KIRREL3: variants seen among roughly 807,000 people sequenced by gnomAD.
KIRREL3 encodes the protein kin of IRRE-like protein 3.
In KIRREL3, 36 loss-of-function variants were observed where a neutral mutation model predicts 89.7. The ratio of observed to expected loss-of-function variants is 0.40; its 90% CI spans 0.31 to 0.53. The LOEUF (loss-of-function observed/expected upper bound fraction) is 0.53, where lower values mean the gene tolerates loss of function less well. KIRREL3 is among the 20% of genes least tolerant of loss of function. KIRREL3 has a pLI of 0.49. For synonymous variants in KIRREL3, 445 were observed against 441.4 expected, an observed-to-expected ratio of 1.01 and a Z score of -0.10; for missense variants, 864 against 1,056.6, an observed-to-expected ratio of 0.82 and a Z score of 2.53.
intron 1 of KIRREL3, among the ~76,000 whole-genome samples, chr11:126,916,955 C>T (rs550719872): frequency 4.6e-5 from 7 of 152,288 alleles, no homozygotes; most frequent in East Asian, 1.9e-4. Context: ...ACTGTTTCTG[C>T]GGGGACAGTT....
rs902967904 is a variant in KIRREL3, at chr11:126,739,286, C to T, written c.56-176374G>A. 6.6e-5 allele frequency among the ~76,000 whole-genome samples: 10 copies of T among 152,248 alleles called. No individual in the cohort carries two copies. Among genetic ancestry groups the T allele is most frequent in the Admixed American group, 5.9e-4 (9 of 15,284 alleles). On this transcript the variant is annotated intron_variant, in intron 1 of 16. Transcript: ENST00000525144. The surrounding 1 kb of genome is among the most constrained non-coding windows in gnomAD (Gnocchi z 5.5). ...ATACTTATAGTATTAATTCGACTGC[C>T]TTTTGGCATGGTTATGGGGCTTCTC...
rs1941279330 is a variant in KIRREL3 at position 126,576,841 on chromosome 11, G to A, written c.56-13929C>T. Among the ~76,000 whole-genome samples the A allele has an allele frequency of 6.6e-6, 1 of 152,244 alleles. No individual in the cohort carries two copies. The highest frequency in any genetic ancestry group is 2.4e-5 in the African/African-American group (1 of 41,470). ...AGGCTCTCCCTACTGGAATGCAGAA[G>A]GAAGGACAAGAGATGAGCCTTTACT... is the stretch of plus-strand genomic sequence containing the variant. On this transcript the variant is annotated intron_variant, in intron 1 of 16. Coordinates refer to ENST00000525144, the MANE Select transcript of KIRREL3 (RefSeq NM_032531.4). This position sits in a 1 kb window ranked among gnomAD's most constrained non-coding sequence, Gnocchi z 5.4.
intron 7 of KIRREL3, among the ~76,000 whole-genome samples, chr11:126,456,064 C>T (rs1956334257): frequency 2.3e-5 from 1 of 42,918 alleles, no homozygotes; most frequent in South Asian, 6.2e-4. Flanking sequence ...TTTTCCTGAG[C>T]CTTTTCCCCA....
intron 1 of KIRREL3, among the ~76,000 whole-genome samples, chr11:126,921,391 GTATCTATCTATC>G (rs35917135): frequency 0.12 from 17,003 of 143,976 alleles, 1,040 homozygotes; most frequent in Middle Eastern, 0.13. Context: ...ATCCTGTCTT[GTATCTATCTATC>G]TATCTATCTA....
chr11:126,971,291 T>C (rs1300030948), intron 1 of KIRREL3, among the ~76,000 whole-genome samples: 2 of 152,176 alleles, frequency 1.3e-5, no homozygotes, highest in African/African-American at 4.8e-5. Flanking sequence ...CAGAGGCAAC[T>C]CATTCAGTGC....
intron 1 of KIRREL3, among the ~76,000 whole-genome samples, chr11:126,834,250 G>T (rs1943704714): frequency 6.6e-6 from 1 of 152,160 alleles, no homozygotes; most frequent in African/African-American, 2.4e-5. Context: ...GGTTGTCATA[G>T]GTCATTTGGC....
intron 10 of KIRREL3, 41 bp downstream of exon 10, chr11:126,444,938 T>G: frequency 6.2e-7 from 1 of 1,609,658 alleles, no homozygotes; most frequent in Non-Finnish European, 8.5e-7. Flanking sequence ...GAGGTCCTTC[T>G]TCCCTCCCTC....
rs1951596525 is a variant in KIRREL3 at position 126,817,022 on chromosome 11, T to TTTTA, written c.55+183432_55+183433insTAAA. Among the ~76,000 whole-genome samples, 1 of 152,182 alleles carries TTTTA rather than the reference T, an allele frequency of 6.6e-6. No homozygotes were observed. The highest frequency in any genetic ancestry group is 2.4e-5 in the African/African-American group (1 of 41,446). ...TTACTTTAGGGAAGGAAGAACCTGT[T>TTTTA]GCATTAAAAATAGAGCTAAGGTAAA... On this transcript the variant is annotated intron_variant, in intron 1 of 16. Coordinates refer to ENST00000525144, the MANE Select transcript of KIRREL3 (RefSeq NM_032531.4). This position sits in a 1 kb window ranked among gnomAD's most constrained non-coding sequence, Gnocchi z 5.7.
At position 126,768,153 on chromosome 11, in the gene KIRREL3, CATCCATCCATCCATCCA is replaced by C. The variant is rs1475112960; in HGVS notation, c.56-205258_56-205242del. On this transcript the variant is annotated intron_variant, in intron 1 of 16. Coordinates refer to ENST00000525144, the MANE Select transcript of KIRREL3 (RefSeq NM_032531.4). The surrounding 1 kb of genome is among the most constrained non-coding windows in gnomAD (Gnocchi z 4.5). ...CCATCTATCCATCCATCCATCCATC[CATCCATCCATCCATCCA>C]ATCCATCCATCCATCCATCCATCCA... Among the ~76,000 whole-genome samples the C allele has an allele frequency of 7.6e-6, 1 of 130,924 alleles. No homozygotes were observed. Among genetic ancestry groups the C allele is most frequent in the Non-Finnish European group, 1.6e-5 (1 of 64,412 alleles). The allele number at this position is 130,924 out of a possible 152,430, so 85.9% of individuals were successfully genotyped here. A position where few individuals can be genotyped will look rare whatever the true frequency, so the allele number is the denominator to read the frequency against.
At chr11:126,923,129 C>CTCCTTCTTCTTCTTCT (rs1246765425) in intron 1 of KIRREL3, among the ~76,000 whole-genome samples, 2 of 25,732 alleles carry the variant, frequency 7.8e-5, no homozygotes, top group Admixed American at 4.1e-4. Flanking sequence ...TCTCCTTCTT[C>CTCCTTCTTCTTCTTCT]TCTTCTTCTT....
At position 126,997,550 on chromosome 11, in the gene KIRREL3, A is replaced by ATATTAATTATACATT. The variant is rs1182142207; in HGVS notation, c.55+2904_55+2905insAATGTATAATTAATA. On this transcript the variant is annotated intron_variant, in intron 1 of 16. Coordinates refer to ENST00000525144, the MANE Select transcript of KIRREL3 (RefSeq NM_032531.4). The surrounding 1 kb of genome is among the most constrained non-coding windows in gnomAD (Gnocchi z 4.3). The stretch of plus-strand genomic sequence containing the variant: ...ACATGAAAAGCCCAAACTTTCAAAG[A>ATATTAATTATACATT]ATAGGGACCCACCATATTACTGATA... 2.4e-4 allele frequency among the ~76,000 whole-genome samples: 29 copies of ATATTAATTATACATT among 118,454 alleles called. No homozygotes were observed. The highest frequency in any genetic ancestry group is 1.5e-4 in the Admixed American group (2 of 12,938). 77.7% of individuals were successfully genotyped at this position (118,454 alleles called of 152,430 possible).
chr11:126,859,563 A>T (rs1241460375), intron 1 of KIRREL3, among the ~76,000 whole-genome samples: 1 of 152,198 alleles, frequency 6.6e-6, no homozygotes, highest in Non-Finnish European at 1.5e-5. Flanking sequence ...GAGCTGCAAA[A>T]GCTTGTTCAT....
chr11:126,756,228 G>A (rs967054922), intron 1 of KIRREL3, among the ~76,000 whole-genome samples: 2 of 152,230 alleles, frequency 1.3e-5, no homozygotes, highest in African/African-American at 4.8e-5. Context: ...TTCCCATGAT[G>A]TCTTCCAGCA....
chr11:126,889,879 C>T (rs1003383860), intron 1 of KIRREL3, among the ~76,000 whole-genome samples: 3 of 152,156 alleles, frequency 2.0e-5, no homozygotes, highest in Non-Finnish European at 2.9e-5. Context: ...AAAATATCTC[C>T]GTGACTGATT....
chr11:127,001,314 T>TGGG (rs796254847), upstream of KIRREL3: 180 of 59,420 alleles, frequency 3.0e-3, 1 homozygote, highest in East Asian at 0.011. Context: ...GTGGTTGTGG[T>TGGG]GGGGGGGGGG....
intron 4 of KIRREL3, among the ~76,000 whole-genome samples, chr11:126,509,513 C>T (rs887370390): frequency 2.0e-5 from 3 of 152,210 alleles, no homozygotes; most frequent in African/African-American, 7.2e-5. Flanking sequence ...GGTTCTCCAT[C>T]CTCTTTTTTC....
rs1017971814 is a variant in KIRREL3, at chr11:126,558,874, G to T, written c.133+3961C>A. On this transcript the variant is annotated intron_variant, in intron 2 of 16. Coordinates refer to ENST00000525144, the MANE Select transcript of KIRREL3 (RefSeq NM_032531.4). The surrounding 1 kb of genome is among the most constrained non-coding windows in gnomAD (Gnocchi z 4.0). ...TGTGTATACATGTGTGCAGGTGTGT[G>T]CATGCATGTGTGCATGTATACATAT... 6.6e-6 allele frequency among the ~76,000 whole-genome samples: 1 copy of T among 150,948 alleles called. No homozygotes were observed. Among genetic ancestry groups the T allele is most frequent in the African/African-American group, 2.4e-5 (1 of 40,992 alleles).
At chr11:126,692,276 G>T (rs145749763) in intron 1 of KIRREL3, among the ~76,000 whole-genome samples, 95 of 152,236 alleles carry the variant, frequency 6.2e-4, no homozygotes, top group African/African-American at 1.6e-3. Flanking sequence ...TGGGCACGGT[G>T]GTTCAGGCCT....
rs1279757292 is a variant in KIRREL3 at position 126,632,639 on chromosome 11, C to T, written c.56-69727G>A. Among the ~76,000 whole-genome samples, 14 of 29,992 alleles carry T rather than the reference C, an allele frequency of 4.7e-4. No homozygotes were observed. The East Asian group carries it at 5.3e-3, about 11-fold the overall frequency. The allele number at this position is 29,992 out of a possible 152,430, so 19.7% of individuals were successfully genotyped here. A position where few individuals can be genotyped will look rare whatever the true frequency, so the allele number is the denominator to read the frequency against. ...CCCTCTCTCTACTCTCAGCACGGAG[C>T]GTTTACTTTCTTGTCTCTATTATTT... On this transcript the variant is annotated intron_variant, in intron 1 of 16. Coordinates refer to ENST00000525144, the MANE Select transcript of KIRREL3 (RefSeq NM_032531.4).
Sources: allele counts gnomAD v4.1 joint callset (sites outside exome capture counted in the v4.1 genomes callset), GRCh38; gene constraint gnomAD v4.1.1; non-coding constraint Gnocchi (gnomAD v3.1); transcripts MANE v1.5; gene names NCBI Gene and HGNC (gene_info 2026-07-23, HGNC 2026-07-21).